The following KIF26B variants were observed in gnomAD, a reference collection of about 807,000 sequenced individuals.
KIF26B encodes kinesin family member 26B.
A neutral mutation model predicts 151.2 loss-of-function variants in KIF26B; 63 were observed. The ratio of observed to expected loss-of-function variants is 0.42; its 90% CI spans 0.34 to 0.51. KIF26B has a LOEUF of 0.51. Among genes scored for constraint, KIF26B ranks in the 20% least tolerant of loss-of-function variants. The pLI is 0.07. For missense variants in KIF26B, 2,813 were observed against 2,913.6 expected (o/e 0.97, Z 0.79); for synonymous variants, 1,357 against 1,262.1 (o/e 1.08, Z -1.59).
At chr1:245,642,878 GCC>G (rs2043908378) in intron 9 of KIF26B, among the ~76,000 whole-genome samples, 1 of 152,172 alleles carries the variant, frequency 6.6e-6, no homozygotes, top group Admixed American at 6.5e-5. Context: ...AAGCTGGAGA[GCC>G]CAGTCTTGTA....
chr1:245,645,967 C>T (rs571803534), intron 9 of KIF26B, 154 bp from the exon 10 acceptor site: 10 of 701,892 alleles, frequency 1.4e-5, no homozygotes, highest in South Asian at 6.2e-5. Flanking sequence ...GCAACCCCAG[C>T]GTGATTTTTC....
In KIF26B at chr1:245,688,118, GCAGCGCCGGGACCTCGCCCCC is replaced by G; in HGVS notation, c.5140_5160del (p.Ala1714_Ser1720del). 1 of 1,568,450 alleles carries G rather than the reference GCAGCGCCGGGACCTCGCCCCC, an allele frequency of 6.4e-7. No homozygotes were observed. Among genetic ancestry groups the G allele is most frequent in the Non-Finnish European group, 8.6e-7 (1 of 1,162,092 alleles). On this transcript the variant is annotated inframe_deletion, in exon 12 of 15. Transcript: ENST00000407071. Reference sequence around the variant, plus strand: ...CCCCGCGCGGGGAGGAGCCTGGGCCGCAGCGCCGGGACCTCGCCCCCCAGCTCCGGGGCCTCGCCCAAGGCC... The same window carrying G: ...CCCCGCGCGGGGAGGAGCCTGGGCCGCAGCTCCGGGGCCTCGCCCAAGGCC...
In KIF26B at chr1:245,552,715, C is replaced by T. The variant is rs552466020; in HGVS notation, c.1350+11765C>T. Among the ~76,000 whole-genome samples the T allele has an allele frequency of 2.0e-5, 3 of 151,242 alleles. No individual in the cohort carries two copies. In the East Asian group the frequency reaches 5.9e-4, roughly 30 times the overall value. On this transcript the variant is annotated intron_variant, in intron 5 of 14. Coordinates refer to ENST00000407071, the MANE Select transcript of KIF26B (RefSeq NM_018012.4). ...GCAACCTCTGCCTGCTGGGTTCAAG[C>T]GATTCTCCTGCGTAGCTGGGATTAC... is the stretch of plus-strand genomic sequence containing the variant.
rs557292880 is a variant in KIF26B, at chr1:245,614,471, C to T, written c.2098+2495C>T. On this transcript the variant is annotated intron_variant, in intron 9 of 14. Transcript: ENST00000407071. ...TACAGGCGTGAGCCACCGCACCTGG[C>T]CTCTCCTTCAGTTTTGACTGGGCCT... Among the ~76,000 whole-genome samples, 61 of 152,374 alleles carry T rather than the reference C, an allele frequency of 4.0e-4. 1 individual carries two copies. In the South Asian group the frequency reaches 0.01, roughly 26 times the overall value.
At chr1:245,620,190 C>T (rs2043642529) in intron 9 of KIF26B, among the ~76,000 whole-genome samples, 1 of 151,966 alleles carries the variant, frequency 6.6e-6, no homozygotes. Flanking sequence ...CACAAAGGGC[C>T]AAGGCTCTCT....
At chr1:245,673,678 CAT>C (rs1178937194) in intron 10 of KIF26B, 1 of 152,218 alleles carries the variant, frequency 6.6e-6, no homozygotes, top group African/African-American at 2.4e-5. Flanking sequence ...ATAAACTTCA[CAT>C]ATGTTTCTTA....
At chr1:245,547,383 G>A (rs1661768791) in intron 5 of KIF26B, among the ~76,000 whole-genome samples, 1 of 151,936 alleles carries the variant, frequency 6.6e-6, no homozygotes, top group African/African-American at 2.4e-5. Flanking sequence ...TCAGAAGTTC[G>A]AGACCAGCCT....
intron 4 of KIF26B, among the ~76,000 whole-genome samples, chr1:245,451,046 T>C (rs1220927929): frequency 2.6e-5 from 4 of 152,196 alleles, no homozygotes; most frequent in Non-Finnish European, 4.4e-5. Flanking sequence ...ACTTTTGTTT[T>C]TTTTTGAAGA....
intron 3 of KIF26B, among the ~76,000 whole-genome samples, chr1:245,385,206 A>G (rs1673513467): frequency 6.6e-6 from 1 of 152,224 alleles, no homozygotes; most frequent in Non-Finnish European, 1.5e-5. Context: ...AAAATAGAGT[A>G]ATTAAAAAGA....
intron 2 of KIF26B, among the ~76,000 whole-genome samples, chr1:245,185,968 G>A (rs781091943): frequency 6.6e-6 from 1 of 152,000 alleles, no homozygotes; most frequent in South Asian, 2.1e-4. Flanking sequence ...TCCGCCTCCC[G>A]GATTCAAGCA....
chr1:245,697,511 C>T (rs958574771), intron 12 of KIF26B, among the ~76,000 whole-genome samples: 5 of 152,156 alleles, frequency 3.3e-5, no homozygotes, highest in African/African-American at 1.2e-4. Flanking sequence ...ACCTTTTGAC[C>T]TATCCATGCT....
chr1:245,270,299 CCAT>C (rs879508526), intron 2 of KIF26B, among the ~76,000 whole-genome samples: 44,281 of 116,256 alleles, frequency 0.38, 11,882 homozygotes, highest in East Asian at 0.48. Flanking sequence ...CCCTTCCCTT[CCAT>C]CTTCCCTTCC....
chr1:245,520,530 ATCCAT>A (rs1312941565), intron 4 of KIF26B, among the ~76,000 whole-genome samples: 3 of 149,784 alleles, frequency 2.0e-5, no homozygotes, highest in Non-Finnish European at 3.0e-5. Context: ...CCATCCATCC[ATCCAT>A]CCATCCACCC....
chr1:245,493,433 C>G lies in KIF26B; in HGVS notation c.1167-47334C>G, dbSNP rs540068175. Among the ~76,000 whole-genome samples, 4 of 152,354 alleles carry G rather than the reference C, an allele frequency of 2.6e-5. No homozygotes were observed. In the South Asian group the frequency reaches 8.3e-4, roughly 32 times the overall value. ...CCAATCACTATATCTTGAACATAACCATTTTCACCAAAGAAAAATAATTTC... is the reference window on the plus strand; with the variant it reads ...CCAATCACTATATCTTGAACATAACGATTTTCACCAAAGAAAAATAATTTC... On this transcript the variant is annotated intron_variant, in intron 4 of 14. Transcript: ENST00000407071.
chr1:245,163,288 C>T (rs560497407), intron 2 of KIF26B, among the ~76,000 whole-genome samples: 85 of 152,268 alleles, frequency 5.6e-4, no homozygotes, highest in African/African-American at 1.8e-3. Context: ...AATACAGGCA[C>T]GGACCACCAT....
At chr1:245,371,470 C>A (rs185286970) in intron 3 of KIF26B, 56 of 152,304 alleles carry the variant, frequency 3.7e-4, no homozygotes, top group African/African-American at 1.3e-3. Context: ...GGCAGAGAAG[C>A]ATCTAGACCT....
chr1:245,584,165 G>A (rs1286825823), intron 5 of KIF26B, among the ~76,000 whole-genome samples: 2 of 152,068 alleles, frequency 1.3e-5, no homozygotes, highest in African/African-American at 4.8e-5. Flanking sequence ...ATTTAAAAGT[G>A]TGTGTTTCCT....
At position 245,306,290 on chromosome 1, in the gene KIF26B, C is replaced by A. The variant is rs529482214; in HGVS notation, c.466-60544C>A. On this transcript the variant is annotated intron_variant, in intron 2 of 14. Transcript: ENST00000407071. ...GAAAGAACCTAGACACAAAAGATGA[C>A]ATATTGTATGATTCCTTTGATATAA... Among the ~76,000 whole-genome samples, 44 of 152,222 alleles carry A rather than the reference C, an allele frequency of 2.9e-4. No homozygotes were observed. The South Asian group carries it at 8.9e-3, about 31-fold the overall frequency.
intron 10 of KIF26B, among the ~76,000 whole-genome samples, chr1:245,648,341 A>T (rs1470880231): frequency 6.6e-6 from 1 of 152,186 alleles, no homozygotes; most frequent in Non-Finnish European, 1.5e-5. Context: ...ATAAATGAGT[A>T]GGGAAACATT....
Sources: gnomAD v4.1 joint callset for allele counts (sites outside exome capture counted in the v4.1 genomes callset) on GRCh38, gnomAD v4.1.1 for gene constraint, MANE v1.5 for transcripts, NCBI Gene and HGNC (gene_info 2026-07-23, HGNC 2026-07-21) for gene names.